ANK3: variants seen among roughly 807,000 people sequenced by gnomAD.
The protein encoded by ANK3 is ankyrin 3, also known as ankyrin-3.
In ANK3, 57 loss-of-function variants were observed where a neutral mutation model predicts 370.9. The ratio of observed to expected loss-of-function variants is 0.15; its 90% CI spans 0.12 to 0.19. The LOEUF is 0.19. ANK3 is among the 10% of genes least tolerant of loss of function. ANK3 has a pLI of 1.00. For synonymous variants in ANK3, 1,929 were observed against 1,946.3 expected (o/e 0.99, Z 0.23); for missense variants, 4,439 against 5,302.1 (o/e 0.84, Z 5.06).
chr10:60,639,413 C>A, intron 1 of ANK3, among the ~76,000 whole-genome samples: 1 of 150,080 alleles, frequency 6.7e-6, no homozygotes, highest in Non-Finnish European at 1.5e-5. Flanking sequence ...TGAAGCATGC[C>A]CAAAGCAGCA....
In ANK3 at chr10:60,457,964, G is replaced by A. The variant is rs142431366; in HGVS notation, c.96+157222C>T. On this transcript the variant is annotated intron_variant, in intron 2 of 43. Coordinates refer to the ANK3 transcript ENST00000373827. ...TTGTGCCATTTCACAAATGTCTTGG[G>A]TTAGTTAACCTGTCTCTTTCTATTC... 3.5e-4 allele frequency among the ~76,000 whole-genome samples: 53 copies of A among 152,168 alleles called. No homozygotes were observed. In the East Asian group the frequency reaches 0.01, roughly 29 times the overall value.
chr10:60,445,270 G>T (rs2064413078), intron 2 of ANK3, among the ~76,000 whole-genome samples: 1 of 151,950 alleles, frequency 6.6e-6, no homozygotes, highest in Admixed American at 6.6e-5. Flanking sequence ...CACGCCTGTA[G>T]TCCCAGCTAC....
chr10:60,135,038 C>T (rs973718573), intron 24 of ANK3, among the ~76,000 whole-genome samples: 1 of 152,210 alleles, frequency 6.6e-6, no homozygotes, highest in East Asian at 1.9e-4. Context: ...TCAAATCCTC[C>T]ATATGGCCCT....
At chr10:60,614,737 C>T (rs984962218) in intron 2 of ANK3, among the ~76,000 whole-genome samples, 3 of 152,110 alleles carry the variant, frequency 2.0e-5, no homozygotes, top group Non-Finnish European at 4.4e-5. Context: ...TTTCTAATTC[C>T]AGATCTAGAA....
At chr10:60,283,757 A>C (rs2098201231) in intron 1 of ANK3, among the ~76,000 whole-genome samples, 1 of 152,186 alleles carries the variant, frequency 6.6e-6, no homozygotes, top group Non-Finnish European at 1.5e-5. Flanking sequence ...TATTCAGCAG[A>C]AAGCAGTTAT....
chr10:60,453,807 G>GTCATAACATCATTTTTCAAAT (rs1276676905), intron 2 of ANK3, among the ~76,000 whole-genome samples: 1 of 152,040 alleles, frequency 6.6e-6, no homozygotes, highest in Non-Finnish European at 1.5e-5. Flanking sequence ...TGTTTCTGAA[G>GTCATAACATCATTTTTCAAAT]TCATAACATC....
chr10:60,160,118 G>A (rs1368727238), intron 23 of ANK3, among the ~76,000 whole-genome samples: 1 of 151,678 alleles, frequency 6.6e-6, no homozygotes, highest in African/African-American at 2.4e-5. Context: ...AGATCAACAA[G>A]ACAAAAAGTT....
At chr10:60,414,546 T>C (rs1437034503) in intron 2 of ANK3, among the ~76,000 whole-genome samples, 2 of 152,122 alleles carry the variant, frequency 1.3e-5, no homozygotes, top group Admixed American at 6.5e-5. Context: ...TACAATTTTT[T>C]TGAGGGAGAT....
At chr10:60,068,051 G>A in intron 37 of ANK3, 42 bp from the exon 38 acceptor site, 4 of 1,563,214 alleles carry the variant, frequency 2.6e-6, no homozygotes, top group Non-Finnish European at 3.5e-6. Flanking sequence ...CATCAAGAAA[G>A]ATACGATACT....
intron 2 of ANK3, among the ~76,000 whole-genome samples, chr10:60,568,832 T>C (rs747221273): frequency 1.6e-4 from 24 of 152,086 alleles, no homozygotes; most frequent in Non-Finnish European, 2.2e-4. Flanking sequence ...CCTAATATGA[T>C]AGGATTGCTG....
At chr10:60,369,517 C>A (rs561074960) in intron 1 of ANK3, among the ~76,000 whole-genome samples, 4 of 152,232 alleles carry the variant, frequency 2.6e-5, no homozygotes, top group African/African-American at 7.2e-5. Context: ...AGGCCTCTTG[C>A]CTTAGAATAT....
chr10:60,583,375 A>G (rs1206081007), intron 2 of ANK3, among the ~76,000 whole-genome samples: 5 of 152,174 alleles, frequency 3.3e-5, no homozygotes, highest in Middle Eastern at 3.2e-3. Context: ...GAAGGGGGAT[A>G]GTGAGACATT....
intron 2 of ANK3, among the ~76,000 whole-genome samples, chr10:60,559,147 T>TG (rs1429049320): frequency 6.6e-6 from 1 of 152,202 alleles, no homozygotes; most frequent in Non-Finnish European, 1.5e-5. Context: ...AATAGGTTTT[T>TG]GGGGAACGGG....
intron 23 of ANK3, among the ~76,000 whole-genome samples, chr10:60,152,423 T>C (rs2095172628): frequency 6.6e-6 from 1 of 152,146 alleles, no homozygotes; most frequent in African/African-American, 2.4e-5. Flanking sequence ...TGGCTCTCTA[T>C]AGAAAAAGTC....
At chr10:60,312,848 A>G (rs2046634534) in intron 1 of ANK3, among the ~76,000 whole-genome samples, 1 of 152,182 alleles carries the variant, frequency 6.6e-6, no homozygotes, top group African/African-American at 2.4e-5. Context: ...GCTGCATCAG[A>G]GCCACAGCTA....
intron 7 of ANK3, among the ~76,000 whole-genome samples, chr10:60,240,333 T>G (rs2097433967): frequency 6.9e-6 from 1 of 145,752 alleles, no homozygotes; most frequent in African/African-American, 2.5e-5. Flanking sequence ...AGATAGAGTT[T>G]CGCTCTTGCT....
intron 43 of ANK3, among the ~76,000 whole-genome samples, chr10:60,041,411 A>G (rs1000751287): frequency 2.6e-5 from 4 of 152,222 alleles, no homozygotes; most frequent in African/African-American, 9.6e-5. Flanking sequence ...CTGGCAAACA[A>G]GTGGACACTG....
chr10:60,251,177 T>C (rs1057334617), intron 7 of ANK3, among the ~76,000 whole-genome samples: 2 of 152,184 alleles, frequency 1.3e-5, no homozygotes, highest in Non-Finnish European at 2.9e-5. Flanking sequence ...ATTAACTAAA[T>C]TAGTTTGAAT....
At chr10:60,440,043 C>T (rs1367371894) in intron 2 of ANK3, among the ~76,000 whole-genome samples, 1 of 152,174 alleles carries the variant, frequency 6.6e-6, no homozygotes, top group African/African-American at 2.4e-5. Flanking sequence ...CCCCAGGAAC[C>T]TTCCATGTTA....
Sources: allele counts gnomAD v4.1 joint callset (sites outside exome capture counted in the v4.1 genomes callset), GRCh38; gene constraint gnomAD v4.1.1; transcripts MANE v1.5; gene names NCBI Gene and HGNC (gene_info 2026-07-23, HGNC 2026-07-21).